The following CENPO variants were observed in gnomAD, a reference collection of about 807,000 sequenced individuals.
CENPO encodes the protein centromeric protein O.
A neutral mutation model predicts 36.1 loss-of-function variants in CENPO; 30 were observed. The ratio of observed to expected loss-of-function variants is 0.83; its 90% CI spans 0.62 to 1.13. The LOEUF (loss-of-function observed/expected upper bound fraction) is 1.13. CENPO is among the 50% of genes most tolerant of loss of function. The pLI is 0.00. For missense variants in CENPO, 349 were observed against 357.8 expected (o/e 0.98, Z 0.20); for synonymous variants, 171 against 142.3 (o/e 1.20, Z -1.44).
At chr2:24,804,431 T>G (rs1218864005) in intron 3 of CENPO, among the ~76,000 whole-genome samples, 1 of 152,216 alleles carries the variant, frequency 6.6e-6, no homozygotes, top group East Asian at 1.9e-4. Flanking sequence ...TTGCTGGTCT[T>G]TACAATTTGG....
Position 24,821,049 on chromosome 2 carries a change from C to T in CENPO, c.*1731C>T. On this transcript the variant is annotated 3_prime_UTR_variant, in exon 8 of 8. Transcript: ENST00000380834. ...GTGCTTGTTAGGTGTCAGCCGCCAC[C>T]CCCCCCCCATATGCAGATTTACTCG... 1 of 606,900 alleles carries T rather than the reference C, an allele frequency of 1.6e-6. No homozygotes were observed. The highest frequency in any genetic ancestry group is 2.6e-6 in the Non-Finnish European group (1 of 381,744). The allele number at this position is 606,900 out of a possible 1,614,324, so 37.6% of individuals were successfully genotyped here.
At position 24,814,624 on chromosome 2, in the gene CENPO, A is replaced by T. The variant is rs1666857014; in HGVS notation, c.334+131A>T. 5 of 402,502 alleles carry T rather than the reference A, an allele frequency of 1.2e-5. No homozygotes were observed. The East Asian group carries it at 1.4e-4, about 11-fold the overall frequency. 24.9% of individuals were successfully genotyped at this position (402,502 alleles called of 1,614,324 possible). On this transcript the variant is annotated intron_variant, in intron 4 of 7. Transcript: ENST00000380834. Reference sequence around the variant, plus strand: ...TACACCCTCTGCCCTCATCACTCACACACACACACACACACAGACACACAC... The same window carrying T: ...TACACCCTCTGCCCTCATCACTCACTCACACACACACACACAGACACACAC...
chr2:24,815,406 T>C (rs1308428409), intron 4 of CENPO, 91 bp from the exon 5 acceptor site: 46 of 933,174 alleles, frequency 4.9e-5, no homozygotes, highest in African/African-American at 9.7e-5. Context: ...AGTGTACATA[T>C]TCTAGGCACT....
chr2:24,800,648 A>C (rs2148257802), intron 3 of CENPO, among the ~76,000 whole-genome samples: 1 of 152,156 alleles, frequency 6.6e-6, no homozygotes, highest in Non-Finnish European at 1.5e-5. Flanking sequence ...CCCACAAAGG[A>C]TGTGAACTCA....
Position 24,819,822 on chromosome 2 carries a change from A to G in CENPO, c.*504A>G. ...ACAAATGAAGGCTGAGGAGGTTTCT[A>G]AACCTAAAGTCCATGAGTGTGCACT... is the stretch of plus-strand genomic sequence containing the variant. On this transcript the variant is annotated 3_prime_UTR_variant, in exon 8 of 8. Transcript: ENST00000380834. 1 of 1,211,322 alleles carries G rather than the reference A, an allele frequency of 8.3e-7. No homozygotes were observed. Among genetic ancestry groups the G allele is most frequent in the South Asian group, 1.6e-5 (1 of 64,230 alleles). The allele number at this position is 1,211,322 out of a possible 1,614,324, so 75.0% of individuals were successfully genotyped here.
At chr2:24,796,891 G>C (rs1045322686) in intron 2 of CENPO, among the ~76,000 whole-genome samples, 1 of 152,098 alleles carries the variant, frequency 6.6e-6, no homozygotes, top group African/African-American at 2.4e-5. Flanking sequence ...ACGCTGGGCG[G>C]GTTTGAGAGC....
chr2:24,817,189 A>G (rs1666972706), intron 6 of CENPO, among the ~76,000 whole-genome samples: 1 of 152,126 alleles, frequency 6.6e-6, no homozygotes, highest in South Asian at 2.1e-4. Flanking sequence ...AGACAAATGG[A>G]CATGACACGT....
In CENPO at chr2:24,820,283, G is replaced by T; in HGVS notation, c.*965G>T. ...GCCCTTCCACCCGTGGCGAGCAGCGGGTGGGAAGGAGAACCCTGGAGTGAC... is the reference window on the plus strand; with the variant it reads ...GCCCTTCCACCCGTGGCGAGCAGCGTGTGGGAAGGAGAACCCTGGAGTGAC... On this transcript the variant is annotated 3_prime_UTR_variant, in exon 8 of 8. Coordinates refer to ENST00000380834, the MANE Select transcript of CENPO (RefSeq NM_001322101.2). 1 of 1,261,514 alleles carries T rather than the reference G, an allele frequency of 7.9e-7. No individual in the cohort carries two copies. Among genetic ancestry groups the T allele is most frequent in the Non-Finnish European group, 1.0e-6 (1 of 971,972 alleles). 78.1% of individuals were successfully genotyped at this position (1,261,514 alleles called of 1,614,324 possible).
rs1051769413 is a variant in CENPO, at chr2:24,793,491, T to A, written c.-79T>A. The A allele has an allele frequency of 5.0e-6, 8 of 1,600,994 alleles. No homozygotes were observed. The highest frequency in any genetic ancestry group is 1.3e-5 in the African/African-American group (1 of 74,784). On this transcript the variant is annotated 5_prime_UTR_variant, in exon 1 of 8. Coordinates refer to ENST00000380834, the MANE Select transcript of CENPO (RefSeq NM_001322101.2). ...AGACGTGGATGGCGGGAATTCTCGC[T>A]TCTGGCCTGGGTGAGCTAGAAGGGA...
intron 3 of CENPO, among the ~76,000 whole-genome samples, chr2:24,807,281 C>T (rs1223862340): frequency 8.9e-5 from 4 of 44,942 alleles, no homozygotes; most frequent in Non-Finnish European, 3.4e-4. Context: ...CTAGTCTTCT[C>T]TTAAGTCTTC....
intron 3 of CENPO, among the ~76,000 whole-genome samples, chr2:24,809,509 T>A (rs187131117): frequency 6.6e-6 from 1 of 152,090 alleles, no homozygotes; most frequent in African/African-American, 2.4e-5. Context: ...GTCCCACAAG[T>A]TTTTCTTTTT....
At chr2:24,819,212 A>ATCAATACCTGTAAATTCTCTT (rs1416481103) in intron 7 of CENPO, 142 bp from the exon 8 acceptor site, 1 of 152,680 alleles carries the variant, frequency 6.5e-6, no homozygotes, top group Non-Finnish European at 1.5e-5. Flanking sequence ...CTTGTTCTTT[A>ATCAATACCTGTAAATTCTCTT]TCAATACCTG....
At chr2:24,819,283 A>G (rs952525354) in intron 7 of CENPO, 71 bp from the exon 8 acceptor site, 2 of 152,696 alleles carry the variant, frequency 1.3e-5, no homozygotes, top group East Asian at 1.9e-4. Context: ...GCAAGGCAAT[A>G]TCGGAAAGTG....
At chr2:24,794,010 G>T in intron 2 of CENPO, 45 bp downstream of exon 2, 1 of 1,468,290 alleles carries the variant, frequency 6.8e-7, no homozygotes, top group South Asian at 1.1e-5. Context: ...GCCCAAAGAT[G>T]ACCCGCAGGC....
rs35639594 is a variant in CENPO, at chr2:24,812,902, GTTT to G, written c.217-1454_217-1452del. ...GTTTCTCTTTCCTGGTATGCCTGTA[GTTT>G]TTTTTTTTTTTTTTTTTTTAATTCA... On this transcript the variant is annotated intron_variant, in intron 3 of 7. Coordinates refer to ENST00000380834, the MANE Select transcript of CENPO (RefSeq NM_001322101.2). Among the ~76,000 whole-genome samples the G allele has an allele frequency of 2.6e-3, 276 of 105,654 alleles. 2 individuals are homozygous for G. Among genetic ancestry groups the G allele is most frequent in the African/African-American group, 9.0e-3 (253 of 28,138 alleles). 69.3% of individuals were successfully genotyped at this position (105,654 alleles called of 152,430 possible).
At chr2:24,794,573 T>G (rs760287457) in intron 2 of CENPO, among the ~76,000 whole-genome samples, 1 of 152,256 alleles carries the variant, frequency 6.6e-6, no homozygotes, top group Non-Finnish European at 1.5e-5. Context: ...TTACATACTT[T>G]GTGTCTTAAA....
chr2:24,820,796 G>A lies in CENPO; in HGVS notation c.*1478G>A. On this transcript the variant is annotated 3_prime_UTR_variant, in exon 8 of 8. Transcript: ENST00000380834. ...TGACTGTATTGCCCCAGATGTCGTA[G>A]TGTGGTTTCCGGGCTCCGATGACCC... 6.2e-7 allele frequency: 1 copy of A among 1,614,126 alleles called. No individual in the cohort carries two copies. The highest frequency in any genetic ancestry group is 1.1e-5 in the South Asian group (1 of 91,082).
intron 4 of CENPO, 85 bp downstream of exon 4, chr2:24,814,578 A>G: frequency 1.3e-6 from 1 of 745,060 alleles, no homozygotes; most frequent in Non-Finnish European, 2.5e-6. Flanking sequence ...TCCTGGAATT[A>G]TTTCATAATT....
chr2:24,809,243 G>T (rs1336167005), intron 3 of CENPO, among the ~76,000 whole-genome samples: 2 of 152,016 alleles, frequency 1.3e-5, no homozygotes. Context: ...CTGTCTCCTC[G>T]ATCAGTCTTG....
Sources: allele counts gnomAD v4.1 joint callset (sites outside exome capture counted in the v4.1 genomes callset), GRCh38; gene constraint gnomAD v4.1.1; transcripts MANE v1.5; gene names NCBI Gene and HGNC (gene_info 2026-07-23, HGNC 2026-07-21).